STRAP: variants seen among roughly 807,000 people sequenced by gnomAD.
STRAP encodes serine-threonine kinase receptor-associated protein.
STRAP carries 16 observed loss-of-function variants against 47.0 expected under a neutral mutation model. The observed-to-expected ratio is 0.34, with a 90% CI of 0.23 to 0.52. STRAP has a LOEUF of 0.52. Among genes scored for constraint, STRAP ranks in the 20% least tolerant of loss-of-function variants. STRAP has a pLI of 0.96. For synonymous variants in STRAP, 130 were observed against 142.7 expected (o/e 0.91, Z 0.63); for missense variants, 293 against 420.0 (o/e 0.70, Z 2.64).
Position 15,882,494 on chromosome 12 carries a change from T to A in STRAP, c.-214T>A. On this transcript the variant is annotated 5_prime_UTR_variant, in exon 1 of 10. Coordinates refer to ENST00000419869, the MANE Select transcript of STRAP (RefSeq NM_007178.4). Reference sequence around the variant, plus strand: ...TCCTCCCTCCCTCCCTTTCCCTCCCTCGTCGACTGTTGCTTGCTGGTCGCA... The same window carrying A: ...TCCTCCCTCCCTCCCTTTCCCTCCCACGTCGACTGTTGCTTGCTGGTCGCA... 144 of 332,134 alleles carry A rather than the reference T, an allele frequency of 4.3e-4. No homozygotes were observed. The highest frequency in any genetic ancestry group is 1.1e-3 in the East Asian group (14 of 12,680). 20.6% of individuals were successfully genotyped at this position (332,134 alleles called of 1,614,324 possible). A position where few individuals can be genotyped will look rare whatever the true frequency, so the allele number is the denominator to read the frequency against.
rs1947929287 is a variant in STRAP at position 15,882,483 on chromosome 12, C to T, written c.-225C>T. 5.4e-6 allele frequency: 3 copies of T among 554,972 alleles called. No homozygotes were observed. The highest frequency in any genetic ancestry group is 9.7e-6 in the Non-Finnish European group (3 of 310,190). The allele number at this position is 554,972 out of a possible 1,614,324, so 34.4% of individuals were successfully genotyped here. On this transcript the variant is annotated 5_prime_UTR_variant, in exon 1 of 10. Coordinates refer to ENST00000419869, the MANE Select transcript of STRAP (RefSeq NM_007178.4). ...ATCCCCTACTTTCCTCCCTCCCTCC[C>T]TTTCCCTCCCTCGTCGACTGTTGCT...
In STRAP at chr12:15,901,005, G is replaced by T; in HGVS notation, c.984G>T (p.Glu328Asp). The change falls in exon 9 of 10, where the codon GAG becomes GAT. Residue 328 changes from glutamate to aspartate, a missense_variant. This residue lies in a region of STRAP where 52 missense variants were observed against 45.0 expected (regional missense o/e 1.16). Transcript: ENST00000419869. ...TTGGTTTTCCAGAGACAACAGAAGA[G>T]GAGCTAGGTAAATGCTATGGAATTG... ...PKIGFPETTEEELEEIASENS... is the reference protein window; with the variant it reads ...PKIGFPETTEDELEEIASENS... The T allele has an allele frequency of 6.3e-7, 1 of 1,592,670 alleles. No homozygotes were observed. The highest frequency in any genetic ancestry group is 8.6e-7 in the Non-Finnish European group (1 of 1,169,294).
rs191833528 is a variant in STRAP at position 15,884,210 on chromosome 12, T to G, written c.248+534T>G. ...TATATCTAGATTATCATCATCTTTT[T>G]TGATTCTGCCAGCGGGATGTCTCCT... On this transcript the variant is annotated intron_variant, in intron 2 of 9. Coordinates refer to ENST00000419869, the MANE Select transcript of STRAP (RefSeq NM_007178.4). Among the ~76,000 whole-genome samples the G allele has an allele frequency of 3.6e-3, 544 of 152,362 alleles. 2 individuals are homozygous for G. The highest frequency in any genetic ancestry group is 5.9e-3 in the Non-Finnish European group (399 of 68,046).
Position 15,903,060 on chromosome 12 carries a change from C to A in STRAP, c.*82C>A. 7.2e-7 allele frequency: 1 copy of A among 1,388,272 alleles called. No homozygotes were observed. Among genetic ancestry groups the A allele is most frequent in the Non-Finnish European group, 9.6e-7 (1 of 1,046,432 alleles). The allele number at this position is 1,388,272 out of a possible 1,614,324, so 86.0% of individuals were successfully genotyped here. ...AGCATCAGCCTTCCAGAGTTACTGT[C>A]TGCTTAAGGCAGAAACAGCAGTAAA... On this transcript the variant is annotated 3_prime_UTR_variant, in exon 10 of 10. Transcript: ENST00000419869.
intron 4 of STRAP, among the ~76,000 whole-genome samples, chr12:15,892,699 A>AT (rs1300339469): frequency 2.0e-5 from 3 of 152,124 alleles, no homozygotes; most frequent in Admixed American, 6.5e-5. Flanking sequence ...GCATTTGCAG[A>AT]TTTTTTTATT....
At chr12:15,885,392 T>C (rs576648877) in intron 2 of STRAP, among the ~76,000 whole-genome samples, 1 of 151,992 alleles carries the variant, frequency 6.6e-6, no homozygotes, top group African/African-American at 2.4e-5. Flanking sequence ...TTTCGCCATG[T>C]TGGCCAGGCC....
chr12:15,893,692 ATATT>A (rs891306396), intron 4 of STRAP, among the ~76,000 whole-genome samples: 2 of 148,082 alleles, frequency 1.4e-5, no homozygotes, highest in African/African-American at 2.5e-5. Flanking sequence ...TAATGCTTTT[ATATT>A]TATTATACAT....
At chr12:15,883,168 C>G (rs1197426859) in intron 1 of STRAP, 6 of 1,519,606 alleles carry the variant, frequency 3.9e-6, no homozygotes, top group Middle Eastern at 3.4e-4. Flanking sequence ...TAGGCCAGGC[C>G]GTGCAATACC....
chr12:15,882,421 T>C lies in STRAP; in HGVS notation c.-287T>C. ...TTCCTGCCGATGCCGGTGTGGACGC[T>C]GTGAATCGTGGCTGGCCCGGTTCTC... On this transcript the variant is annotated 5_prime_UTR_variant, in exon 1 of 10. Transcript: ENST00000419869. 1.0e-5 allele frequency: 5 copies of C among 491,960 alleles called. No homozygotes were observed. In the Admixed American group the frequency reaches 1.1e-4, roughly 10 times the overall value. 30.5% of individuals were successfully genotyped at this position (491,960 alleles called of 1,614,324 possible). A position where few individuals can be genotyped will look rare whatever the true frequency, so the allele number is the denominator to read the frequency against.
intron 6 of STRAP, 130 bp from the exon 7 acceptor site, chr12:15,897,752 T>A: frequency 9.0e-6 from 4 of 443,088 alleles, no homozygotes; most frequent in Non-Finnish European, 1.1e-5. Flanking sequence ...TTTTTTTACA[T>A]CAGTGTTTAT....
Position 15,882,433 on chromosome 12 carries a change from C to T in STRAP, c.-275C>T. On this transcript the variant is annotated 5_prime_UTR_variant, in exon 1 of 10. Transcript: ENST00000419869. ...CCGGTGTGGACGCTGTGAATCGTGG[C>T]TGGCCCGGTTCTCCGCTTCTCCCCA... 5.9e-6 allele frequency: 3 copies of T among 504,856 alleles called. No homozygotes were observed. Among genetic ancestry groups the T allele is most frequent in the East Asian group, 3.4e-5 (1 of 29,216 alleles). 31.3% of individuals were successfully genotyped at this position (504,856 alleles called of 1,614,324 possible). A position where few individuals can be genotyped will look rare whatever the true frequency, so the allele number is the denominator to read the frequency against.
At chr12:15,898,547 A>G (rs1047209188) in intron 7 of STRAP, among the ~76,000 whole-genome samples, 5 of 151,916 alleles carry the variant, frequency 3.3e-5, no homozygotes, top group African/African-American at 1.2e-4. Context: ...TCAGCTTTTT[A>G]TTTATTCTGT....
intron 8 of STRAP, 24 bp downstream of exon 8, chr12:15,900,077 T>C: frequency 6.3e-7 from 1 of 1,582,204 alleles, no homozygotes. Flanking sequence ...TTCAGAATAA[T>C]AAAATTTTTA....
intron 8 of STRAP, among the ~76,000 whole-genome samples, chr12:15,900,662 C>T (rs779167341): frequency 1.6e-4 from 25 of 151,966 alleles, no homozygotes; most frequent in Non-Finnish European, 3.5e-4. Context: ...TGTATCTAAT[C>T]TCTGAATAGT....
chr12:15,901,119 T>C, intron 9 of STRAP, 107 bp downstream of exon 9: 1 of 762,690 alleles, frequency 1.3e-6, no homozygotes, highest in Non-Finnish European at 1.9e-6. Flanking sequence ...TATGAACATA[T>C]TTAAATAATG....
chr12:15,894,262 C>T lies in STRAP; in HGVS notation c.500+119C>T. ...TCATTAGAGGTCAGGAGTACTAGAC[C>T]AGCCTGGCCGACATGGCGAAATACT... On this transcript the variant is annotated intron_variant, in intron 5 of 9. Coordinates refer to ENST00000419869, the MANE Select transcript of STRAP (RefSeq NM_007178.4). The surrounding 1 kb of genome is among the most constrained non-coding windows in gnomAD (Gnocchi z 4.9). 1 of 703,038 alleles carries T rather than the reference C, an allele frequency of 1.4e-6. No homozygotes were observed. Among genetic ancestry groups the T allele is most frequent in the Non-Finnish European group, 2.4e-6 (1 of 416,594 alleles). The allele number at this position is 703,038 out of a possible 1,614,324, so 43.5% of individuals were successfully genotyped here.
chr12:15,901,604 A>G (rs1488219707), intron 9 of STRAP, among the ~76,000 whole-genome samples: 7 of 152,154 alleles, frequency 4.6e-5, no homozygotes, highest in East Asian at 3.9e-4. Context: ...ACTAAGAGCA[A>G]TGAGAAACCT....
Position 15,894,575 on chromosome 12 carries a change from C to A in STRAP, c.500+432C>A, listed in dbSNP as rs561695993. Among the ~76,000 whole-genome samples, 68 of 152,326 alleles carry A rather than the reference C, an allele frequency of 4.5e-4. No homozygotes were observed. Among genetic ancestry groups the A allele is most frequent in the Middle Eastern group, 6.8e-3 (2 of 294 alleles). On this transcript the variant is annotated intron_variant, in intron 5 of 9. Transcript: ENST00000419869. The surrounding 1 kb of genome is among the most constrained non-coding windows in gnomAD (Gnocchi z 4.9). ...ATTAAAATTTAAGTTGCACCCAGGT[C>A]ACATTTATCTGGAGCTATCTATTTA...
chr12:15,897,235 T>C (rs1293881565), intron 6 of STRAP, among the ~76,000 whole-genome samples: 1 of 152,230 alleles, frequency 6.6e-6, no homozygotes, highest in Non-Finnish European at 1.5e-5. Flanking sequence ...TGGAGGCCTT[T>C]CATGATTTTT....
Sources: gnomAD v4.1 joint callset for allele counts (sites outside exome capture counted in the v4.1 genomes callset) on GRCh38, gnomAD v4.1.1 for gene constraint, gnomAD v4.1.1 regional missense constraint, Gnocchi (gnomAD v3.1) non-coding constraint, MANE v1.5 for transcripts, NCBI Gene and HGNC (gene_info 2026-07-23, HGNC 2026-07-21) for gene names.